Variants in CPQ observed in about 807,000 individuals in gnomAD.
CPQ encodes the protein Ser-Met dipeptidase.
In CPQ, 37 loss-of-function variants were observed where a neutral mutation model predicts 45.7. That is an observed-to-expected ratio of 0.81 (90% CI 0.62 to 1.07). CPQ has a LOEUF of 1.07. Ranked by LOEUF, CPQ falls within the 50% of genes least tolerant of loss-of-function variation. The pLI is 0.00. For missense variants in CPQ, 537 were observed against 572.9 expected, an observed-to-expected ratio of 0.94 and a Z score of 0.64; for synonymous variants, 186 against 205.8, an observed-to-expected ratio of 0.90 and a Z score of 0.82.
chr8:96,687,957 A>G, intron 1 of CPQ, among the ~76,000 whole-genome samples: 1 of 151,942 alleles, frequency 6.6e-6, no homozygotes, highest in East Asian at 1.9e-4. Flanking sequence ...AGAGTAATGT[A>G]TATCACTTAA....
chr8:96,751,945 T>C (rs1456212562), intron 1 of CPQ, among the ~76,000 whole-genome samples: 2 of 152,178 alleles, frequency 1.3e-5, no homozygotes, highest in Admixed American at 6.5e-5. Flanking sequence ...ATGAGATGTT[T>C]GTAGGTGTGT....
intron 1 of CPQ, among the ~76,000 whole-genome samples, chr8:96,784,590 T>C (rs966242701): frequency 2.6e-5 from 4 of 152,162 alleles, no homozygotes; most frequent in African/African-American, 9.7e-5. Flanking sequence ...CCACCACTTC[T>C]TTCTCTCCTT....
At chr8:96,906,504 A>T (rs1216897020) in intron 4 of CPQ, among the ~76,000 whole-genome samples, 1 of 152,130 alleles carries the variant, frequency 6.6e-6, no homozygotes, top group Non-Finnish European at 1.5e-5. Flanking sequence ...ATTGTGTAGG[A>T]GCCTGTCTTA....
chr8:96,842,581 C>G (rs1228366494), intron 3 of CPQ, among the ~76,000 whole-genome samples: 1 of 152,202 alleles, frequency 6.6e-6, no homozygotes, highest in Non-Finnish European at 1.5e-5. Flanking sequence ...GTTTTTTCTT[C>G]TCATCATCCT....
chr8:96,962,931 G>A (rs189820541), intron 4 of CPQ, among the ~76,000 whole-genome samples: 1 of 151,820 alleles, frequency 6.6e-6, no homozygotes, highest in Non-Finnish European at 1.5e-5. Context: ...ACTAAAACAA[G>A]CTCTCATAAT....
intron 3 of CPQ, among the ~76,000 whole-genome samples, chr8:96,874,217 G>A (rs573362759): frequency 1.3e-5 from 2 of 151,804 alleles, no homozygotes; most frequent in African/African-American, 2.4e-5. Context: ...GTCCATGGAA[G>A]TATAAATTTT....
At chr8:96,842,080 G>A (rs1248163504) in intron 3 of CPQ, among the ~76,000 whole-genome samples, 2 of 152,162 alleles carry the variant, frequency 1.3e-5, no homozygotes, top group African/African-American at 4.8e-5. Context: ...CAGAGGGCCA[G>A]CTTAAAACAC....
At chr8:97,048,679 A>G (rs756955100) in intron 6 of CPQ, among the ~76,000 whole-genome samples, 1 of 152,208 alleles carries the variant, frequency 6.6e-6, no homozygotes, top group Non-Finnish European at 1.5e-5. Flanking sequence ...GGTGGCTGTG[A>G]TCAGGAGCTG....
At chr8:96,787,667 A>C (rs1810789617) in intron 2 of CPQ, among the ~76,000 whole-genome samples, 1 of 151,190 alleles carries the variant, frequency 6.6e-6, no homozygotes. Flanking sequence ...TTCTGGTAGA[A>C]TTCACCAGTG....
At chr8:96,720,145 G>A (rs1206485402) in intron 1 of CPQ, among the ~76,000 whole-genome samples, 2 of 152,122 alleles carry the variant, frequency 1.3e-5, no homozygotes, top group African/African-American at 2.4e-5. Context: ...ATATCAAGAC[G>A]ATATTTTCAT....
At chr8:96,802,990 TAC>T (rs71569185) in intron 2 of CPQ, among the ~76,000 whole-genome samples, 3,183 of 143,352 alleles carry the variant, frequency 0.022, 97 homozygotes, top group African/African-American at 0.065. Flanking sequence ...AACAGAAGCA[TAC>T]ACACACACAC....
At chr8:96,778,804 C>T (rs780766519) in intron 1 of CPQ, among the ~76,000 whole-genome samples, 3 of 151,974 alleles carry the variant, frequency 2.0e-5, no homozygotes, top group African/African-American at 4.8e-5. Flanking sequence ...TGGTGGCTCA[C>T]GCCTGTAATC....
At chr8:96,921,851 A>G (rs1812812088) in intron 4 of CPQ, among the ~76,000 whole-genome samples, 1 of 152,204 alleles carries the variant, frequency 6.6e-6, no homozygotes, top group Admixed American at 6.5e-5. Context: ...TATCTTATTC[A>G]TAATTAAAGT....
intron 5 of CPQ, among the ~76,000 whole-genome samples, chr8:97,014,377 G>A (rs1055080599): frequency 2.6e-5 from 4 of 152,068 alleles, no homozygotes; most frequent in East Asian, 1.9e-4. Context: ...GTGGTCAGGC[G>A]CAGTGGCTCA....
At chr8:96,889,133 C>T (rs1226767803) in intron 4 of CPQ, among the ~76,000 whole-genome samples, 1 of 152,154 alleles carries the variant, frequency 6.6e-6, no homozygotes, top group Admixed American at 6.5e-5. Context: ...TGTGAAGGGC[C>T]AGGGCTTTGT....
chr8:96,844,813 C>T (rs185107072), intron 3 of CPQ, among the ~76,000 whole-genome samples: 68 of 152,272 alleles, frequency 4.5e-4, no homozygotes, highest in African/African-American at 1.4e-3. Context: ...GTTTATCTCC[C>T]GATTTCGGGA....
chr8:96,649,008 G>A (rs1379009233), intron 1 of CPQ, among the ~76,000 whole-genome samples: 3 of 152,200 alleles, frequency 2.0e-5, no homozygotes, highest in African/African-American at 7.2e-5. Flanking sequence ...TTGAGGCAAG[G>A]CCTCTCTCTG....
intron 4 of CPQ, among the ~76,000 whole-genome samples, chr8:96,904,126 C>G (rs1050973107): frequency 3.3e-5 from 5 of 152,184 alleles, no homozygotes; most frequent in Non-Finnish European, 5.9e-5. Context: ...AGGCAGCCAG[C>G]AGGCTTCCTA....
intron 4 of CPQ, among the ~76,000 whole-genome samples, chr8:96,947,666 G>A (rs1035257550): frequency 1.3e-5 from 2 of 152,054 alleles, no homozygotes; most frequent in Non-Finnish European, 2.9e-5. Context: ...TAGCCAAGCA[G>A]CTTGGCTTCA....
Sources: gnomAD v4.1 joint callset for allele counts (sites outside exome capture counted in the v4.1 genomes callset) on GRCh38, gnomAD v4.1.1 for gene constraint, MANE v1.5 for transcripts, NCBI Gene and HGNC (gene_info 2026-07-23, HGNC 2026-07-21) for gene names.